The following TLK1 variants were observed in gnomAD, a reference collection of about 807,000 sequenced individuals.
TLK1 encodes the protein tousled like kinase 1.
In TLK1, 24 loss-of-function variants were observed where a neutral mutation model predicts 105.3. The ratio of observed to expected loss-of-function variants is 0.23; its 90% CI spans 0.17 to 0.32. The LOEUF is 0.32. Among genes scored for constraint, TLK1 ranks in the 10% least tolerant of loss-of-function variants. The probability of loss-of-function intolerance (pLI) is 1.00; values close to 1 mark genes in which losing one functional copy is unlikely to be tolerated. For missense variants in TLK1, 558 were observed against 910.5 expected (o/e 0.61, Z 4.98); for synonymous variants, 321 against 310.4 (o/e 1.03, Z -0.36).
At chr2:171,066,749 C>G (rs917528814) in intron 3 of TLK1, 5 of 1,303,228 alleles carry the variant, frequency 3.8e-6, no homozygotes, top group Non-Finnish European at 5.2e-6. Flanking sequence ...TGGCACTTTC[C>G]CTTCTCTGGC....
At chr2:171,172,053 A>C (rs1692740520) in intron 1 of TLK1, among the ~76,000 whole-genome samples, 1 of 152,272 alleles carries the variant, frequency 6.6e-6, no homozygotes, top group South Asian at 2.1e-4. Context: ...AAATTATAGA[A>C]TATTCACATA....
At chr2:171,193,851 G>A (rs1260356700) in intron 1 of TLK1, among the ~76,000 whole-genome samples, 2 of 151,682 alleles carry the variant, frequency 1.3e-5, no homozygotes, top group Non-Finnish European at 2.9e-5. Context: ...CAAGTAGCTT[G>A]GGATTACAGG....
intron 1 of TLK1, among the ~76,000 whole-genome samples, chr2:171,217,497 C>G (rs1161237249): frequency 6.6e-6 from 1 of 152,158 alleles, no homozygotes; most frequent in African/African-American, 2.4e-5. Flanking sequence ...CCTTGCCCCC[C>G]TCTGGTGGAG....
chr2:171,206,428 G>A (rs1042665119), intron 1 of TLK1, among the ~76,000 whole-genome samples: 10 of 152,164 alleles, frequency 6.6e-5, no homozygotes, highest in African/African-American at 2.4e-4. Context: ...AGGTAGAAAG[G>A]TGATGGATTA....
intron 10 of TLK1, among the ~76,000 whole-genome samples, chr2:171,047,112 C>A (rs550514748): frequency 1.3e-5 from 2 of 152,142 alleles, no homozygotes; most frequent in South Asian, 4.1e-4. Flanking sequence ...AAAATAAAAT[C>A]AATGCTTCCC....
intron 5 of TLK1, 91 bp downstream of exon 5, chr2:171,058,060 A>C (rs774238011): frequency 3.6e-5 from 48 of 1,347,524 alleles, no homozygotes; most frequent in Non-Finnish European, 4.9e-5. Context: ...TAAGTAATCA[A>C]AAGCTGACCT....
rs1329292194 is a variant in TLK1, at chr2:171,059,917, T to C, written c.406+1164A>G. ...TAGGCGGTAATGCTCACTGGCCCGC[T>C]GCTCACCTCCTGCTGTACGACCCAT... On this transcript the variant is annotated intron_variant, in intron 4 of 20. Coordinates refer to ENST00000431350, the MANE Select transcript of TLK1 (RefSeq NM_012290.5). The C allele has an allele frequency of 2.2e-6, 3 of 1,388,650 alleles. No homozygotes were observed. The African/African-American group carries it at 4.2e-5, about 20-fold the overall frequency. The allele number at this position is 1,388,650 out of a possible 1,614,324, so 86.0% of individuals were successfully genotyped here. A position where few individuals can be genotyped will look rare whatever the true frequency, so the allele number is the denominator to read the frequency against.
At chr2:171,124,531 T>A (rs1690790430) in intron 1 of TLK1, among the ~76,000 whole-genome samples, 1 of 152,240 alleles carries the variant, frequency 6.6e-6, no homozygotes, top group Non-Finnish European at 1.5e-5. Flanking sequence ...ATGCAGCTGA[T>A]GCTAGTTAAG....
rs71008743 is a variant in TLK1, at chr2:171,009,291, C to CTTTTTTT, written c.1416+2075_1416+2081dup. Among the ~76,000 whole-genome samples, 72 of 74,842 alleles carry CTTTTTTT rather than the reference C, an allele frequency of 9.6e-4. 4 individuals carry two copies. The highest frequency in any genetic ancestry group is 3.2e-3 in the African/African-American group (52 of 16,388). The allele number at this position is 74,842 out of a possible 152,430, so 49.1% of individuals were successfully genotyped here. A position where few individuals can be genotyped will look rare whatever the true frequency, so the allele number is the denominator to read the frequency against. ...CATGCAACAGTCAGGATTTCTTTTCCTTTTTTTTTTTTTTTTTTTTTTTTT... is the reference window on the plus strand; with the variant it reads ...CATGCAACAGTCAGGATTTCTTTTCCTTTTTTTTTTTTTTTTTTTTTTTTTTTTTTTT... On this transcript the variant is annotated intron_variant, in intron 14 of 20. Coordinates refer to ENST00000431350, the MANE Select transcript of TLK1 (RefSeq NM_012290.5).
chr2:171,129,025 AC>A (rs780946803), intron 1 of TLK1, among the ~76,000 whole-genome samples: 2 of 152,098 alleles, frequency 1.3e-5, no homozygotes, highest in Non-Finnish European at 1.5e-5. Flanking sequence ...ACAGAGAAAA[AC>A]AGAGCATGTA....
chr2:171,034,874 G>A (rs1447293501), intron 11 of TLK1, among the ~76,000 whole-genome samples: 1 of 152,088 alleles, frequency 6.6e-6, no homozygotes, highest in Non-Finnish European at 1.5e-5. Flanking sequence ...CTTATACTTA[G>A]TATAAGTATA....
At chr2:171,150,187 G>C (rs903468202) in intron 1 of TLK1, among the ~76,000 whole-genome samples, 1 of 151,998 alleles carries the variant, frequency 6.6e-6, no homozygotes, top group African/African-American at 2.4e-5. Flanking sequence ...TGGTATATGA[G>C]CTAAGTACAC....
intron 3 of TLK1, among the ~76,000 whole-genome samples, chr2:171,068,228 T>G (rs1168256431): frequency 6.6e-6 from 1 of 151,708 alleles, no homozygotes; most frequent in East Asian, 1.9e-4. Context: ...ACTCGGGAGG[T>G]TGAGGCGGGA....
chr2:171,127,277 C>CAAAAA (rs772854408), intron 1 of TLK1, among the ~76,000 whole-genome samples: 1 of 51,222 alleles, frequency 2.0e-5, no homozygotes, highest in African/African-American at 8.9e-5. Flanking sequence ...ACTCCCGTCT[C>CAAAAA]AAAAAAAAAA....
At chr2:171,028,315 A>G in intron 12 of TLK1, 24 bp downstream of exon 12, 1 of 1,561,914 alleles carries the variant, frequency 6.4e-7, no homozygotes, top group Non-Finnish European at 8.8e-7. Context: ...ATTGAACTAA[A>G]AATGCAGCAT....
chr2:171,064,096 G>T (rs994778414), intron 3 of TLK1, among the ~76,000 whole-genome samples: 1 of 152,054 alleles, frequency 6.6e-6, no homozygotes. Flanking sequence ...AAAAGCAAAC[G>T]AATGCATTAT....
intron 3 of TLK1, among the ~76,000 whole-genome samples, chr2:171,077,994 C>T (rs1483066261): frequency 6.6e-6 from 1 of 152,156 alleles, no homozygotes; most frequent in Non-Finnish European, 1.5e-5. Context: ...CTGAGATCTG[C>T]TTATCTACAA....
At chr2:171,070,965 T>A (rs981265545) in intron 3 of TLK1, among the ~76,000 whole-genome samples, 4 of 152,194 alleles carry the variant, frequency 2.6e-5, no homozygotes, top group Admixed American at 2.0e-4. Context: ...AAAAGCCATT[T>A]TAACTGGGGT....
chr2:171,092,214 G>C (rs1361738390), intron 2 of TLK1, among the ~76,000 whole-genome samples: 1 of 152,138 alleles, frequency 6.6e-6, no homozygotes, highest in Admixed American at 6.5e-5. Context: ...TAGCTAGAGA[G>C]CTGGGGTTTA....
Sources: allele counts gnomAD v4.1 joint callset (sites outside exome capture counted in the v4.1 genomes callset), GRCh38; gene constraint gnomAD v4.1.1; transcripts MANE v1.5; gene names NCBI Gene and HGNC (gene_info 2026-07-23, HGNC 2026-07-21).